ZNF667: variants seen among roughly 807,000 people sequenced by gnomAD.
ZNF667 encodes the protein zinc finger protein 667, also known as myocardial ischemic preconditioning upregulated 1 ortholog.
A neutral mutation model predicts 31.8 loss-of-function variants in ZNF667; 13 were observed. That is an observed-to-expected ratio of 0.41 (90% confidence interval 0.27 to 0.65). The LOEUF (loss-of-function observed/expected upper bound fraction) is 0.65. Among genes scored for constraint, ZNF667 ranks in the 30% least tolerant of loss-of-function variants. The pLI is 0.32. For synonymous variants in ZNF667, 228 were observed against 247.1 expected (o/e 0.92, Z 0.73); for missense variants, 642 against 725.6 (o/e 0.88, Z 1.32).
intron 3 of ZNF667, 135 bp from the exon 4 acceptor site, chr19:56,462,564 G>A (rs2043069588): frequency 1.6e-6 from 1 of 637,768 alleles, no homozygotes; most frequent in African/African-American, 1.8e-5. Context: ...AGAACACCTG[G>A]CGCATTCCTG....
rs761997171 is a variant in ZNF667 at position 56,460,680 on chromosome 19, G to A, written c.160+9C>T. The A allele has an allele frequency of 4.3e-6, 7 of 1,609,786 alleles. No homozygotes were observed. The South Asian group carries it at 4.4e-5, about 10-fold the overall frequency. ...CTGGTTCTGGATTGTGGGGGACGAA[G>A]AGCCTTACCAAGCGAGACCAGGTTC... On this transcript the variant is annotated intron_variant, in intron 5 of 6. Coordinates refer to ENST00000504904, the MANE Select transcript of ZNF667 (RefSeq NM_001321356.2).
At chr19:56,474,595 A>C (rs777087626) in intron 1 of ZNF667, 8 of 152,436 alleles carry the variant, frequency 5.2e-5, no homozygotes, top group Admixed American at 1.3e-4. Flanking sequence ...TGTTTTTGAT[A>C]AGATAGCCAA....
rs770211005 is a variant in ZNF667, at chr19:56,442,642, G to C, written c.353C>G (p.Ala118Gly). Residue 118 changes from alanine (A) to glycine (G), a missense_variant, in exon 7 of 7, where the codon GCT becomes GGT. Physicochemically the swap from Ala to Gly is moderately conservative, Grantham distance 60. Transcript: ENST00000504904. Reference protein sequence around the residue: ...CQKLVSAQQKAPTRKSGCNKN... With the variant: ...CQKLVSAQQKGPTRKSGCNKN... ...GTTGCAGCCACTCTTTCGTGTAGGA[G>C]CTTTTTGTTGTGCAGAAACTAGTTT... 1.9e-6 allele frequency: 3 copies of C among 1,613,630 alleles called. No homozygotes were observed. The East Asian group carries it at 6.7e-5, about 36-fold the overall frequency.
rs1164020814 is a variant in ZNF667, at chr19:56,441,814, A to T, written c.1181T>A (p.Val394Asp). 3.7e-6 allele frequency: 6 copies of T among 1,613,922 alleles called. No homozygotes were observed. In the South Asian group the frequency reaches 6.6e-5, roughly 18 times the overall value. Reference protein sequence around the residue: ...KLYRCNKCEKVCNRHSSLIQH... With the variant: ...KLYRCNKCEKDCNRHSSLIQH... ...AATAAGGGATGAATGCCGATTGCAG[A>T]CCTTCTCACATTTATTGCATCTGTA... Residue 394 changes from valine (V) to aspartate (D), a missense_variant, in exon 7 of 7, where the codon GTC becomes GAC. Transcript: ENST00000504904. The surrounding 1 kb of genome is among the most constrained non-coding windows in gnomAD (Gnocchi z 4.2).
chr19:56,475,694 C>CAA (rs1297865642), intron 1 of ZNF667: 1 of 152,186 alleles, frequency 6.6e-6, no homozygotes, highest in Non-Finnish European at 1.5e-5. Flanking sequence ...CTGGTCTGGA[C>CAA]AGAAACATTT....
At chr19:56,451,703 T>TA (rs1385414418) in intron 6 of ZNF667, among the ~76,000 whole-genome samples, 1 of 151,220 alleles carries the variant, frequency 6.6e-6, no homozygotes, top group African/African-American at 2.4e-5. Flanking sequence ...ATCCCATCTT[T>TA]AAAAAAAATG....
chr19:56,448,657 A>G (rs1446180471), intron 6 of ZNF667, among the ~76,000 whole-genome samples: 1 of 151,342 alleles, frequency 6.6e-6, no homozygotes, highest in Non-Finnish European at 1.5e-5. Flanking sequence ...AAAAGTGCCA[A>G]GCAGTGTCCT....
At chr19:56,448,077 T>G (rs555623106) in intron 6 of ZNF667, among the ~76,000 whole-genome samples, 1 of 152,078 alleles carries the variant, frequency 6.6e-6, no homozygotes, top group Non-Finnish European at 1.5e-5. Flanking sequence ...AAAGAGGCAC[T>G]GAGGAGGGTA....
chr19:56,464,824 C>T (rs981660896), intron 3 of ZNF667, among the ~76,000 whole-genome samples: 5 of 152,170 alleles, frequency 3.3e-5, no homozygotes, highest in African/African-American at 1.2e-4. Flanking sequence ...AGAGCAGGTG[C>T]TCAATAAACA....
At chr19:56,463,454 T>C (rs1437950122) in intron 3 of ZNF667, among the ~76,000 whole-genome samples, 1 of 152,112 alleles carries the variant, frequency 6.6e-6, no homozygotes, top group Non-Finnish European at 1.5e-5. Context: ...TGCTGTCCAA[T>C]GTGAATGCCA....
Position 56,441,027 on chromosome 19 carries a change from C to T in ZNF667, c.*135G>A, listed in dbSNP as rs1482073114. On this transcript the variant is annotated 3_prime_UTR_variant, in exon 7 of 7. Transcript: ENST00000504904. This position sits in a 1 kb window ranked among gnomAD's most constrained non-coding sequence, Gnocchi z 4.2. ...ATCCTGAGGTCAAAATCACCAATGA[C>T]TTTTGCTCTTTGGCTTTCAAAGTGG... is the stretch of plus-strand genomic sequence containing the variant. 1.2e-5 allele frequency: 17 copies of T among 1,450,832 alleles called. No individual in the cohort carries two copies. Among genetic ancestry groups the T allele is most frequent in the African/African-American group, 1.4e-5 (1 of 70,606 alleles). 89.9% of individuals were successfully genotyped at this position (1,450,832 alleles called of 1,614,324 possible).
chr19:56,458,457 A>G (rs1411175563), intron 5 of ZNF667, among the ~76,000 whole-genome samples: 1 of 152,082 alleles, frequency 6.6e-6, no homozygotes. Context: ...AGCTCCTTAA[A>G]CCCTGGGAAT....
rs769095550 is a variant in ZNF667, at chr19:56,442,224, C to G, written c.771G>C (p.Lys257Asn). 50 of 1,614,050 alleles carry G rather than the reference C, an allele frequency of 3.1e-5. 1 individual carries two copies. The highest frequency in any genetic ancestry group is 2.8e-5 in the Non-Finnish European group (33 of 1,180,028). ...HVVGNVCQCR[K>N]CGKAFNQMSS... ...ACATCTGATTGAAGGCTTTTCCGCA[C>G]TTTCTGCACTGGCAGACATTCCCAA... The change falls in exon 7 of 7, where the codon AAG becomes AAC. Residue 257 changes from lysine to asparagine, a missense_variant. Transcript: ENST00000504904.
chr19:56,451,160 C>T (rs1024302073), intron 6 of ZNF667, among the ~76,000 whole-genome samples: 1 of 150,292 alleles, frequency 6.7e-6, no homozygotes, highest in Non-Finnish European at 1.5e-5. Context: ...AAATGAAAAC[C>T]AAAAAAGAGC....
chr19:56,460,689 C>T lies in ZNF667; in HGVS notation c.160G>A (p.Gly54Ser). The change falls in exon 5 of 7, where the codon GGT (glycine) becomes AGT (serine). Residue 54 changes from glycine to serine, a missense_variant and splice_region_variant. Transcript: ENST00000504904. ...LENYRNLVSL[G>S]LSFRRPNVIT... ...GATTGTGGGGGACGAAGAGCCTTAC[C>T]AAGCGAGACCAGGTTCCGGTAATTC... 1.2e-6 allele frequency: 2 copies of T among 1,610,776 alleles called. No homozygotes were observed.
intron 6 of ZNF667, among the ~76,000 whole-genome samples, chr19:56,449,972 C>T (rs937486445): frequency 4.0e-5 from 6 of 150,482 alleles, no homozygotes; most frequent in African/African-American, 1.2e-4. Context: ...AGCATGCCTA[C>T]AGGATCTAGT....
chr19:56,460,801 A>G lies in ZNF667; in HGVS notation c.48T>C (p.Phe16=), dbSNP rs766635981. The change falls in exon 5 of 7, where the codon TTT becomes TTC. Residue 16 remains phenylalanine (F), a synonymous_variant. Coordinates refer to ENST00000504904, the MANE Select transcript of ZNF667 (RefSeq NM_001321356.2). ...GGGAGAAGTAGATGGCTAAGTCCCCAAATGTTATAGGTGCCTGAAATGAAA... is the reference window on the plus strand; with the variant it reads ...GGGAGAAGTAGATGGCTAAGTCCCCGAATGTTATAGGTGCCTGAAATGAAA... ...GKSKSKAPIT[F]GDLAIYFSQE... 6.2e-7 allele frequency: 1 copy of G among 1,603,954 alleles called. No individual in the cohort carries two copies. Among genetic ancestry groups the G allele is most frequent in the South Asian group, 1.1e-5 (1 of 89,074 alleles).
intron 3 of ZNF667, among the ~76,000 whole-genome samples, chr19:56,470,395 G>A (rs1032573355): frequency 2.0e-4 from 31 of 152,204 alleles, no homozygotes; most frequent in African/African-American, 7.2e-4. Flanking sequence ...TGAAAGCTGT[G>A]CTGGCTCCTT....
In ZNF667 at chr19:56,441,507, A is replaced by T. The variant is rs749788588; in HGVS notation, c.1488T>A (p.Asp496Glu). 2.9e-5 allele frequency: 47 copies of T among 1,614,036 alleles called. No individual in the cohort carries two copies. Among genetic ancestry groups the T allele is most frequent in the Non-Finnish European group, 3.9e-5 (46 of 1,180,040 alleles). Residue 496 changes from aspartate (D) to glutamate (E), a missense_variant, in exon 7 of 7, where the codon GAT becomes GAA. By Grantham distance (45) the Asp-to-Glu change is conservative. Transcript: ENST00000504904. The surrounding 1 kb of genome is among the most constrained non-coding windows in gnomAD (Gnocchi z 4.2). Reference protein sequence around the residue: ...LTRHKRIHTEDRPYECDQCGK... With the variant: ...LTRHKRIHTEERPYECDQCGK... The stretch of plus-strand genomic sequence containing the variant: ...CACACTGATCACATTCATAGGGTCT[A>T]TCTTCAGTATGAATTCTCTTATGTC...
Sources: gnomAD v4.1 joint callset for allele counts (sites outside exome capture counted in the v4.1 genomes callset) on GRCh38, gnomAD v4.1.1 for gene constraint, Gnocchi (gnomAD v3.1) non-coding constraint, MANE v1.5 for transcripts, NCBI Gene and HGNC (gene_info 2026-07-23, HGNC 2026-07-21) for gene names.